The following PTPRD variants were observed in gnomAD, a reference collection of about 807,000 sequenced individuals.
PTPRD encodes receptor-type tyrosine-protein phosphatase delta.
Under a neutral mutation model 214.5 loss-of-function variants are expected in PTPRD, and 34 were observed. The observed-to-expected ratio is 0.16, with a 90% CI of 0.12 to 0.21. PTPRD has a LOEUF of 0.21. Among genes scored for constraint, PTPRD ranks in the 10% least tolerant of loss-of-function variants. The pLI is 1.00. For synonymous variants in PTPRD, 1,128 were observed against 845.7 expected (o/e 1.33, Z -5.79); for missense variants, 2,545 against 2,398.7 (o/e 1.06, Z -1.27).
At position 8,332,285 on chromosome 9, in the gene PTPRD, T is replaced by TTAAAG. The variant is rs527706426; in HGVS notation, c.5380-554_5380-550dup. ...GTTGTCAAATGACAAATGGTGAAAT[T>TTAAAG]TAAAGTATCTGACACAAACCCGGTA... On this transcript the variant is annotated intron_variant, in intron 43 of 45. Transcript: ENST00000381196. 5.3e-3 allele frequency among the ~76,000 whole-genome samples: 812 copies of TTAAAG among 152,172 alleles called. 2 individuals carry two copies. The highest frequency in any genetic ancestry group is 8.0e-3 in the Non-Finnish European group (547 of 67,972).
At chr9:9,529,824 C>T (rs1306270740) in intron 8 of PTPRD, among the ~76,000 whole-genome samples, 1 of 151,258 alleles carries the variant, frequency 6.6e-6, no homozygotes, top group Non-Finnish European at 1.5e-5. Flanking sequence ...GCAAACAATA[C>T]ATAAATATAT....
At chr9:8,645,275 T>C (rs1003216426) in intron 12 of PTPRD, among the ~76,000 whole-genome samples, 10 of 152,206 alleles carry the variant, frequency 6.6e-5, no homozygotes, top group African/African-American at 2.4e-4. Context: ...GAGATTACGA[T>C]GTCTGACCAA....
At chr9:8,687,828 A>C (rs938671611) in intron 12 of PTPRD, among the ~76,000 whole-genome samples, 7 of 151,780 alleles carry the variant, frequency 4.6e-5, no homozygotes, top group African/African-American at 1.7e-4. Flanking sequence ...AACTTTACGT[A>C]CATCAGTGTC....
intron 8 of PTPRD, among the ~76,000 whole-genome samples, chr9:9,464,806 G>C (rs1305834082): frequency 6.6e-6 from 1 of 151,660 alleles, no homozygotes; most frequent in Non-Finnish European, 1.5e-5. Flanking sequence ...CCAGTGTTTT[G>C]TGTCCTTTCT....
At chr9:8,972,274 T>C (rs2099243131) in intron 11 of PTPRD, among the ~76,000 whole-genome samples, 2 of 151,908 alleles carry the variant, frequency 1.3e-5, no homozygotes, top group Non-Finnish European at 1.5e-5. Flanking sequence ...ACTGATAACA[T>C]TTCCTAAAGA....
In PTPRD at chr9:10,337,400, G is replaced by T. The variant is rs185872776; in HGVS notation, c.-545+3563C>A. Among the ~76,000 whole-genome samples, 3 of 151,706 alleles carry T rather than the reference G, an allele frequency of 2.0e-5. No individual in the cohort carries two copies. In the East Asian group the frequency reaches 5.8e-4, roughly 29 times the overall value. ...AAATGGATTTAGATATAGTTTCAAAGAATCATATCTATCTCTCCACTTTTC... is the reference window on the plus strand; with the variant it reads ...AAATGGATTTAGATATAGTTTCAAATAATCATATCTATCTCTCCACTTTTC... On this transcript the variant is annotated intron_variant, in intron 3 of 45. Coordinates refer to ENST00000381196, the MANE Select transcript of PTPRD (RefSeq NM_002839.4).
chr9:9,226,266 T>C (rs964241971), intron 9 of PTPRD, among the ~76,000 whole-genome samples: 1 of 151,828 alleles, frequency 6.6e-6, no homozygotes, highest in Non-Finnish European at 1.5e-5. Flanking sequence ...AGGGCAAGAC[T>C]GGTGGGACAT....
At chr9:8,506,473 G>A (rs965752653) in intron 22 of PTPRD, among the ~76,000 whole-genome samples, 1 of 152,130 alleles carries the variant, frequency 6.6e-6, no homozygotes, top group African/African-American at 2.4e-5. Flanking sequence ...AGAAGCAGTA[G>A]ACCCTAACCG....
At chr9:9,227,279 G>C (rs1250361573) in intron 9 of PTPRD, among the ~76,000 whole-genome samples, 1 of 151,906 alleles carries the variant, frequency 6.6e-6, no homozygotes, top group East Asian at 1.9e-4. Flanking sequence ...TAAGATCCTA[G>C]TTTCATGTAG....
intron 3 of PTPRD, among the ~76,000 whole-genome samples, chr9:10,334,005 A>G (rs1343734282): frequency 2.0e-5 from 3 of 151,814 alleles, no homozygotes; most frequent in Non-Finnish European, 2.9e-5. Flanking sequence ...TTCTTAACAT[A>G]AAAAATGAAA....
chr9:10,578,729 A>T (rs2070537122), intron 2 of PTPRD, among the ~76,000 whole-genome samples: 1 of 152,008 alleles, frequency 6.6e-6, no homozygotes, highest in Non-Finnish European at 1.5e-5. Flanking sequence ...GTTTTTTTTG[A>T]ATAATTTCAA....
At chr9:9,092,558 CAT>C (rs1366642329) in intron 10 of PTPRD, among the ~76,000 whole-genome samples, 2 of 151,860 alleles carry the variant, frequency 1.3e-5, no homozygotes, top group Non-Finnish European at 2.9e-5. Flanking sequence ...TCACTTATAA[CAT>C]ATGAAAAAGT....
chr9:8,795,766 A>G (rs941921660), intron 11 of PTPRD, among the ~76,000 whole-genome samples: 2 of 152,224 alleles, frequency 1.3e-5, no homozygotes, highest in African/African-American at 2.4e-5. Flanking sequence ...GTAAAATTCT[A>G]AAGTCAAAGT....
Position 9,754,730 on chromosome 9 carries a change from A to G in PTPRD, c.-326+12080T>C, listed in dbSNP as rs568979792. On this transcript the variant is annotated intron_variant, in intron 6 of 45. Coordinates refer to ENST00000381196, the MANE Select transcript of PTPRD (RefSeq NM_002839.4). Reference sequence around the variant, plus strand: ...GTTACAGGCAGTTGGACTATATTCTAAAAAGAAAGTTTATGTAAAGTAGAT... The same window carrying G: ...GTTACAGGCAGTTGGACTATATTCTGAAAAGAAAGTTTATGTAAAGTAGAT... Among the ~76,000 whole-genome samples, 8 of 152,156 alleles carry G rather than the reference A, an allele frequency of 5.3e-5. No homozygotes were observed. In the South Asian group the frequency reaches 1.2e-3, roughly 24 times the overall value.
intron 8 of PTPRD, among the ~76,000 whole-genome samples, chr9:9,402,536 A>G (rs2071078268): frequency 6.6e-6 from 1 of 152,084 alleles, no homozygotes; most frequent in African/African-American, 2.4e-5. Context: ...TATAAATATA[A>G]AATCCTGTTA....
chr9:10,491,679 T>C (rs910275937), intron 2 of PTPRD, among the ~76,000 whole-genome samples: 7 of 151,964 alleles, frequency 4.6e-5, no homozygotes, highest in African/African-American at 1.7e-4. Context: ...AAGTAGTATT[T>C]CTAAGACGAT....
chr9:9,494,297 A>G (rs994372293), intron 8 of PTPRD, among the ~76,000 whole-genome samples: 6 of 152,388 alleles, frequency 3.9e-5, no homozygotes, highest in Admixed American at 1.3e-4. Context: ...ACATGATTTG[A>G]GAAAACTGAC....
At chr9:9,497,490 C>T (rs1194050308) in intron 8 of PTPRD, among the ~76,000 whole-genome samples, 15 of 152,076 alleles carry the variant, frequency 9.9e-5, no homozygotes, top group Non-Finnish European at 2.2e-4. Context: ...CCAACATGCA[C>T]AATATTGACA....
At chr9:8,398,576 C>T (rs977048248) in intron 36 of PTPRD, among the ~76,000 whole-genome samples, 13 of 152,184 alleles carry the variant, frequency 8.5e-5, no homozygotes, top group Admixed American at 3.3e-4. Flanking sequence ...TGTGATAGTA[C>T]TGAGAGGTGA....
Sources: gnomAD v4.1 joint callset for allele counts (sites outside exome capture counted in the v4.1 genomes callset) on GRCh38, gnomAD v4.1.1 for gene constraint, MANE v1.5 for transcripts, NCBI Gene and HGNC (gene_info 2026-07-23, HGNC 2026-07-21) for gene names.